VCAN: variants seen among roughly 807,000 people sequenced by gnomAD.
VCAN encodes the protein versican core protein.
VCAN carries 44 observed loss-of-function variants against 245.5 expected under a neutral mutation model. The ratio of observed to expected loss-of-function variants is 0.18; its 90% CI spans 0.14 to 0.23. VCAN has a LOEUF of 0.23. Ranked by LOEUF, VCAN falls within the 10% of genes least tolerant of loss-of-function variation. The pLI is 1.00. For missense variants in VCAN, 3,793 were observed against 4,057.9 expected (o/e 0.93, Z 1.77); for synonymous variants, 1,413 against 1,437.0 (o/e 0.98, Z 0.38).
intron 12 of VCAN, among the ~76,000 whole-genome samples, chr5:83,560,790 G>A (rs922838949): frequency 6.6e-6 from 1 of 151,974 alleles, no homozygotes; most frequent in African/African-American, 2.4e-5. Context: ...GGACCCTCTG[G>A]AGTAAGATTC....
chr5:83,516,285 A>G (rs1045715149), intron 6 of VCAN, among the ~76,000 whole-genome samples: 1 of 151,148 alleles, frequency 6.6e-6, no homozygotes, highest in African/African-American at 2.4e-5. Flanking sequence ...CTCTGTCTCA[A>G]AAAAAAAAAT....
intron 12 of VCAN, among the ~76,000 whole-genome samples, chr5:83,558,221 C>T (rs1747744718): frequency 6.6e-6 from 1 of 152,146 alleles, no homozygotes; most frequent in African/African-American, 2.4e-5. Context: ...CATATGTGTG[C>T]AGGCCTTTGA....
At chr5:83,555,832 A>G (rs1282173062) in intron 12 of VCAN, among the ~76,000 whole-genome samples, 2 of 152,204 alleles carry the variant, frequency 1.3e-5, no homozygotes, top group African/African-American at 4.8e-5. Context: ...AGTGTTCCAC[A>G]GGTAATTCTT....
chr5:83,472,587 GC>G (rs1347198456), intron 1 of VCAN, among the ~76,000 whole-genome samples: 1 of 152,128 alleles, frequency 6.6e-6, no homozygotes, highest in Non-Finnish European at 1.5e-5. Flanking sequence ...CGCCCAAGCA[GC>G]CTGGGACCTT....
chr5:83,537,111 G>A lies in VCAN; in HGVS notation c.4108G>A (p.Glu1370Lys), dbSNP rs1302243847. Reference protein sequence around the residue: ...ETDPVHDLMAEILPEFPDIIE... With the variant: ...ETDPVHDLMAKILPEFPDIIE... ...AGATCCAGTGCATGATCTAATGGCT[G>A]AAATTTTACCTGAATTCCCTGACAT... is the stretch of plus-strand genomic sequence containing the variant. The change falls in exon 8 of 15, where the codon GAA becomes AAA. Residue 1370 changes from glutamate to lysine, a missense_variant. By Grantham distance (56) the Glu-to-Lys change is moderately conservative (BLOSUM62 1). Transcript: ENST00000265077. 1 of 1,613,730 alleles carries A rather than the reference G, an allele frequency of 6.2e-7. No individual in the cohort carries two copies. The highest frequency in any genetic ancestry group is 8.5e-7 in the Non-Finnish European group (1 of 1,179,870).
intron 6 of VCAN, among the ~76,000 whole-genome samples, chr5:83,519,135 G>A (rs1380046226): frequency 6.6e-6 from 1 of 152,040 alleles, no homozygotes; most frequent in Non-Finnish European, 1.5e-5. Context: ...CCCTTATAAC[G>A]TAAAACAACT....
At position 83,572,116 on chromosome 5, in the gene VCAN, T is replaced by C. The variant is rs573210751; in HGVS notation, c.9736-300T>C. ...CATTAATTTTATTGAATTAATAATATGATGAAATTCCTAAATTGAAGGTTG... is the reference window on the plus strand; with the variant it reads ...CATTAATTTTATTGAATTAATAATACGATGAAATTCCTAAATTGAAGGTTG... On this transcript the variant is annotated intron_variant, in intron 12 of 14. Coordinates refer to ENST00000265077, the MANE Select transcript of VCAN (RefSeq NM_004385.5). 2.6e-5 allele frequency among the ~76,000 whole-genome samples: 4 copies of C among 152,302 alleles called. No individual in the cohort carries two copies. The East Asian group carries it at 7.7e-4, about 29-fold the overall frequency.
intron 1 of VCAN, among the ~76,000 whole-genome samples, chr5:83,477,846 C>T (rs896597838): frequency 4.6e-5 from 7 of 151,926 alleles, no homozygotes; most frequent in African/African-American, 1.2e-4. Flanking sequence ...TAGAAAAAAT[C>T]GCTCAGCCTC....
Position 83,520,732 on chromosome 5 carries a change from A to G in VCAN, c.2426A>G (p.Asn809Ser), listed in dbSNP as rs1331684769. ...TCAAAATGGTCATGGGATGAAGATAATACAACATCCAAGCCTTTAGAGTCT... is the reference window on the plus strand; with the variant it reads ...TCAAAATGGTCATGGGATGAAGATAGTACAACATCCAAGCCTTTAGAGTCT... The part of the protein sequence containing the change: ...TVSKWSWDED[N>S]TTSKPLESTE... Residue 809 changes from asparagine (N) to serine (S), a missense_variant, in exon 7 of 15, where the codon AAT becomes AGT. Physicochemically the swap from Asn to Ser is conservative, Grantham distance 46. Coordinates refer to ENST00000265077, the MANE Select transcript of VCAN (RefSeq NM_004385.5). 4 of 1,614,038 alleles carry G rather than the reference A, an allele frequency of 2.5e-6. No individual in the cohort carries two copies. Among genetic ancestry groups the G allele is most frequent in the Non-Finnish European group, 3.4e-6 (4 of 1,180,008 alleles).
chr5:83,522,270 A>G lies in VCAN; in HGVS notation c.3964A>G (p.Ile1322Val), dbSNP rs775174671. The change falls in exon 7 of 15, where the codon ATT becomes GTT. Residue 1322 changes from isoleucine to valine, a missense_variant. Coordinates refer to ENST00000265077, the MANE Select transcript of VCAN (RefSeq NM_004385.5). ...PPASTKFHPDINVYIIEVREN... is the reference protein window; with the variant it reads ...PPASTKFHPDVNVYIIEVREN... ...AGCAAGCACAAAATTTCACCCTGAC[A>G]TTAATGTTTATATTATTGAGGTCAG... is the stretch of plus-strand genomic sequence containing the variant. 1.3e-5 allele frequency: 20 copies of G among 1,599,586 alleles called. No individual in the cohort carries two copies. The highest frequency in any genetic ancestry group is 1.7e-4 in the Middle Eastern group (1 of 6,060).
intron 8 of VCAN, among the ~76,000 whole-genome samples, chr5:83,544,267 T>C (rs575436261): frequency 3.0e-4 from 45 of 152,334 alleles, no homozygotes; most frequent in Admixed American, 2.3e-3. Flanking sequence ...CTTAGAAAAC[T>C]CGGGGGAGTT....
intron 2 of VCAN, among the ~76,000 whole-genome samples, chr5:83,486,089 C>T (rs1258307405): frequency 6.6e-6 from 1 of 151,990 alleles, no homozygotes; most frequent in Non-Finnish European, 1.5e-5. Flanking sequence ...GTCATGATCG[C>T]ACCACTGCAC....
chr5:83,497,471 T>C (rs929408027), intron 5 of VCAN, among the ~76,000 whole-genome samples: 3 of 152,216 alleles, frequency 2.0e-5, no homozygotes, highest in Admixed American at 6.5e-5. Context: ...AAATAACCTA[T>C]TAAGTTTTAA....
intron 12 of VCAN, among the ~76,000 whole-genome samples, chr5:83,558,951 C>A (rs2112478433): frequency 6.6e-6 from 1 of 152,188 alleles, no homozygotes; most frequent in African/African-American, 2.4e-5. Flanking sequence ...AAGATTATTT[C>A]TTTTAATACA....
intron 5 of VCAN, among the ~76,000 whole-genome samples, chr5:83,498,562 AGTTT>A (rs1324786563): frequency 6.6e-6 from 1 of 152,114 alleles, no homozygotes; most frequent in Non-Finnish European, 1.5e-5. Context: ...TTTTCTTATT[AGTTT>A]GTTTAATTTC....
Position 83,493,880 on chromosome 5 carries a change from C to T in VCAN, c.697C>T (p.Arg233Cys), listed in dbSNP as rs920889651. 6 of 1,613,942 alleles carry T rather than the reference C, an allele frequency of 3.7e-6. No homozygotes were observed. The highest frequency in any genetic ancestry group is 2.2e-5 in the South Asian group (2 of 91,058). ...GKAGVRTYGF[R>C]SPQETYDVYC... ...GGCAGGAGTCAGGACTTATGGATTCCGTTCTCCCCAGGAAACTTACGATGT... is the reference window on the plus strand; with the variant it reads ...GGCAGGAGTCAGGACTTATGGATTCTGTTCTCCCCAGGAAACTTACGATGT... The change falls in exon 5 of 15, where the codon CGT (arginine) becomes TGT (cysteine). Residue 233 changes from arginine (R) to cysteine (C), a missense_variant. Around this residue, in one of 5 missense-constraint regions of VCAN, gnomAD observed 190 missense variants for 288.6 expected, o/e 0.66. Coordinates refer to ENST00000265077, the MANE Select transcript of VCAN (RefSeq NM_004385.5).
intron 8 of VCAN, among the ~76,000 whole-genome samples, chr5:83,542,492 G>A (rs1050640068): frequency 6.6e-5 from 10 of 151,992 alleles, no homozygotes; most frequent in African/African-American, 2.4e-4. Context: ...ATTTTTCTGG[G>A]TTTTAGAAAT....
chr5:83,502,298 G>A (rs1269976861), intron 5 of VCAN, among the ~76,000 whole-genome samples: 1 of 152,116 alleles, frequency 6.6e-6, no homozygotes, highest in Non-Finnish European at 1.5e-5. Context: ...TTTGCTTTAA[G>A]GTTTTCATGT....
chr5:83,480,567 T>C (rs1744580494), intron 1 of VCAN, among the ~76,000 whole-genome samples: 1 of 152,210 alleles, frequency 6.6e-6, no homozygotes, highest in Non-Finnish European at 1.5e-5. Flanking sequence ...GCGTTGATCA[T>C]GTATTTGATC....
Sources: gnomAD v4.1 joint callset for allele counts (sites outside exome capture counted in the v4.1 genomes callset) on GRCh38, gnomAD v4.1.1 for gene constraint, gnomAD v4.1.1 regional missense constraint, MANE v1.5 for transcripts, NCBI Gene and HGNC (gene_info 2026-07-23, HGNC 2026-07-21) for gene names.